The following GABBR1 variants were observed in gnomAD, a reference collection of about 807,000 sequenced individuals.
The protein encoded by GABBR1 is GABA-B receptor, R1 subunit.
Under a neutral mutation model 117.7 loss-of-function variants are expected in GABBR1, and 35 were observed. The ratio of observed to expected loss-of-function variants is 0.30; its 90% CI spans 0.23 to 0.39. The LOEUF is 0.39. Ranked by LOEUF, GABBR1 falls within the 10% of genes least tolerant of loss-of-function variation. The probability of loss-of-function intolerance (pLI) is 1.00; values close to 1 mark genes in which losing one functional copy is unlikely to be tolerated. For missense variants in GABBR1, 709 were observed against 1,241.8 expected (o/e 0.57, Z 6.45); for synonymous variants, 442 against 486.6 (o/e 0.91, Z 1.21).
At position 29,604,401 on chromosome 6, in the gene GABBR1, C is replaced by A. The variant is rs996224630; in HGVS notation, c.2712+93G>T. ...CCCTCCATGAGCCAAGAACATCTGA[C>A]CCTGTATCTCAGGCTTGGCTTCAGA... On this transcript the variant is annotated intron_variant, in intron 22 of 22. Transcript: ENST00000377034. This position sits in a 1 kb window ranked among gnomAD's most constrained non-coding sequence, Gnocchi z 5.3. 10 of 1,503,292 alleles carry A rather than the reference C, an allele frequency of 6.7e-6. No individual in the cohort carries two copies. The highest frequency in any genetic ancestry group is 9.2e-6 in the Non-Finnish European group (10 of 1,084,678). 93.1% of individuals were successfully genotyped at this position (1,503,292 alleles called of 1,614,324 possible).
In GABBR1 at chr6:29,606,135, C is replaced by A. The variant is rs779074304; in HGVS notation, c.2311+256G>T. 6 of 561,014 alleles carry A rather than the reference C, an allele frequency of 1.1e-5. No homozygotes were observed. The highest frequency in any genetic ancestry group is 3.1e-5 in the Admixed American group (1 of 32,506). The allele number at this position is 561,014 out of a possible 1,614,324, so 34.8% of individuals were successfully genotyped here. On this transcript the variant is annotated intron_variant, in intron 19 of 22. Transcript: ENST00000377034. This position sits in a 1 kb window ranked among gnomAD's most constrained non-coding sequence, Gnocchi z 4.5. The stretch of plus-strand genomic sequence containing the variant: ...TCAAGTCTGGAGGTGGGGTTACCCC[C>A]ACTTGTTCCTCTGCTGAACACAAGT...
chr6:29,620,633 AAAGCAACAGGATCC>A lies in GABBR1; in HGVS notation c.1323+454_1323+467del, dbSNP rs1449298486. The stretch of plus-strand genomic sequence containing the variant: ...AATTCTAAAAAAAGAATCATTAAAA[AAAGCAACAGGATCC>A]AAGCTAATTGCATATCAATCATGAG... On this transcript the variant is annotated intron_variant, in intron 11 of 22. Coordinates refer to ENST00000377034, the MANE Select transcript of GABBR1 (RefSeq NM_001470.4). This position sits in a 1 kb window ranked among gnomAD's most constrained non-coding sequence, Gnocchi z 4.5. 1.3e-5 allele frequency among the ~76,000 whole-genome samples: 2 copies of A among 152,248 alleles called. No individual in the cohort carries two copies. Among genetic ancestry groups the A allele is most frequent in the East Asian group, 3.8e-4 (2 of 5,202 alleles).
At chr6:29,608,376 A>C (rs745443638) in intron 16 of GABBR1, 3 of 487,090 alleles carry the variant, frequency 6.2e-6, no homozygotes, top group Admixed American at 7.3e-5. Context: ...TGCCATGGCA[A>C]CCTTGGAACT....
intron 16 of GABBR1, 90 bp downstream of exon 16, chr6:29,608,511 G>A: frequency 7.4e-7 from 1 of 1,351,582 alleles, no homozygotes; most frequent in Non-Finnish European, 1.0e-6. Flanking sequence ...AGCTGAGGAG[G>A]AAGGGCAGAG....
At chr6:29,619,429 T>C (rs1310513943) in intron 11 of GABBR1, among the ~76,000 whole-genome samples, 3 of 152,226 alleles carry the variant, frequency 2.0e-5, no homozygotes. Context: ...ACCATCTTTC[T>C]CTAGACACAA....
In GABBR1 at chr6:29,609,468, G is replaced by A. The variant is rs1309419728; in HGVS notation, c.1709-89C>T. ...AGACGGGATAGGAGAAAAGGGCAAA[G>A]AACTAGATTGCTGATGGACATTCAG... On this transcript the variant is annotated intron_variant, in intron 14 of 22. Coordinates refer to ENST00000377034, the MANE Select transcript of GABBR1 (RefSeq NM_001470.4). The surrounding 1 kb of genome is among the most constrained non-coding windows in gnomAD (Gnocchi z 4.3). 2 of 1,113,804 alleles carry A rather than the reference G, an allele frequency of 1.8e-6. No individual in the cohort carries two copies. The highest frequency in any genetic ancestry group is 1.5e-5 in the African/African-American group (1 of 65,038). 69.0% of individuals were successfully genotyped at this position (1,113,804 alleles called of 1,614,324 possible).
Position 29,613,128 on chromosome 6 carries a change from A to C in GABBR1, c.1566+115T>G. 8.7e-7 allele frequency: 1 copy of C among 1,151,802 alleles called. No homozygotes were observed. The highest frequency in any genetic ancestry group is 1.3e-6 in the Non-Finnish European group (1 of 794,350). The allele number at this position is 1,151,802 out of a possible 1,614,324, so 71.3% of individuals were successfully genotyped here. A position where few individuals can be genotyped will look rare whatever the true frequency, so the allele number is the denominator to read the frequency against. ...TCCCTACTTCTCTGGTCGGAGACTG[A>C]TTCTGCAAAGAAGTAACTGAGAAAA... is the stretch of plus-strand genomic sequence containing the variant. On this transcript the variant is annotated intron_variant, in intron 12 of 22. Coordinates refer to ENST00000377034, the MANE Select transcript of GABBR1 (RefSeq NM_001470.4). The surrounding 1 kb of genome is among the most constrained non-coding windows in gnomAD (Gnocchi z 4.1).
rs570685369 is a variant in GABBR1, at chr6:29,613,525, T to C, written c.1324-40A>G. The C allele has an allele frequency of 1.3e-6, 2 of 1,598,244 alleles. No homozygotes were observed. Among genetic ancestry groups the C allele is most frequent in the African/African-American group, 1.3e-5 (1 of 74,706 alleles). On this transcript the variant is annotated intron_variant, in intron 11 of 22. Coordinates refer to ENST00000377034, the MANE Select transcript of GABBR1 (RefSeq NM_001470.4). This position sits in a 1 kb window ranked among gnomAD's most constrained non-coding sequence, Gnocchi z 4.1. ...ATCATGAGGAAAGAACTGAAATGTG[T>C]GTGGGTGTGGGGGAAGGGGTGCAAT...
At position 29,627,969 on chromosome 6, in the gene GABBR1, C is replaced by T; in HGVS notation, c.497-323G>A. On this transcript the variant is annotated intron_variant, in intron 5 of 22. Transcript: ENST00000377034. The surrounding 1 kb of genome is among the most constrained non-coding windows in gnomAD (Gnocchi z 4.4). ...TTGGCTTCCTACGGCCCCCGCGGCT[C>T]TCGCCACCGTCGCCGCCACCGCGGA... 7.5e-7 allele frequency: 1 copy of T among 1,337,336 alleles called. No homozygotes were observed. The highest frequency in any genetic ancestry group is 9.5e-7 in the Non-Finnish European group (1 of 1,053,218). The allele number at this position is 1,337,336 out of a possible 1,614,324, so 82.8% of individuals were successfully genotyped here. A position where few individuals can be genotyped will look rare whatever the true frequency, so the allele number is the denominator to read the frequency against.
In GABBR1 at chr6:29,630,077, G is replaced by A. The variant is rs1764796717; in HGVS notation, c.475+381C>T. On this transcript the variant is annotated intron_variant, in intron 4 of 22. Transcript: ENST00000377034. This position sits in a 1 kb window ranked among gnomAD's most constrained non-coding sequence, Gnocchi z 4.9. ...ATAAATCAATTATATAAGGAATGGTGAGGGATGAATTCTAGAAGAGGGTGA... is the reference window on the plus strand; with the variant it reads ...ATAAATCAATTATATAAGGAATGGTAAGGGATGAATTCTAGAAGAGGGTGA... 4.9e-6 allele frequency: 1 copy of A among 204,874 alleles called. No individual in the cohort carries two copies. Among genetic ancestry groups the A allele is most frequent in the African/African-American group, 2.3e-5 (1 of 43,528 alleles). 12.7% of individuals were successfully genotyped at this position (204,874 alleles called of 1,614,324 possible).
In GABBR1 at chr6:29,605,726, A is replaced by G; in HGVS notation, c.2312-30T>C. 6.2e-7 allele frequency: 1 copy of G among 1,606,636 alleles called. No individual in the cohort carries two copies. Among genetic ancestry groups the G allele is most frequent in the Non-Finnish European group, 8.5e-7 (1 of 1,179,144 alleles). On this transcript the variant is annotated intron_variant, in intron 19 of 22. Coordinates refer to ENST00000377034, the MANE Select transcript of GABBR1 (RefSeq NM_001470.4). The surrounding 1 kb of genome is among the most constrained non-coding windows in gnomAD (Gnocchi z 4.2). ...GATGGCAGGAGAGAGTCACTTGAGC[A>G]ACAAGGACCACAATGCTCCTCACTC...
Position 29,629,069 on chromosome 6 carries a change from A to G in GABBR1, c.496+18T>C, listed in dbSNP as rs747938881. The G allele has an allele frequency of 2.9e-5, 47 of 1,612,612 alleles. No homozygotes were observed. The highest frequency in any genetic ancestry group is 3.9e-5 in the Non-Finnish European group (46 of 1,179,876). ...GGGAGGGCATTGCAGTGCGCGCGGT[A>G]AGGGTTTCTCATCTCACCTGAGTGT... On this transcript the variant is annotated intron_variant, in intron 5 of 22. Transcript: ENST00000377034.
At position 29,630,564 on chromosome 6, in the gene GABBR1, G is replaced by A. The variant is rs567013137; in HGVS notation, c.369C>T (p.Asp123=). 7.4e-6 allele frequency: 12 copies of A among 1,613,082 alleles called. No homozygotes were observed. The highest frequency in any genetic ancestry group is 4.4e-5 in the South Asian group (4 of 91,082). ...CACACCGGAAATCCACCCGGGCTCC[G>A]TCCAGAGCTGGGAGGTCCCCACCCG... ...FLTGGDLPAL[D]GARVDFRCDP... Residue 123 remains aspartate (D), a synonymous_variant, in exon 4 of 23, where the codon GAC becomes GAT. Transcript: ENST00000377034. This position sits in a 1 kb window ranked among gnomAD's most constrained non-coding sequence, Gnocchi z 4.9.
At position 29,627,827 on chromosome 6, in the gene GABBR1, A is replaced by T; in HGVS notation, c.497-181T>A. On this transcript the variant is annotated intron_variant, in intron 5 of 22. Coordinates refer to ENST00000377034, the MANE Select transcript of GABBR1 (RefSeq NM_001470.4). This position sits in a 1 kb window ranked among gnomAD's most constrained non-coding sequence, Gnocchi z 4.4. Reference sequence around the variant, plus strand: ...GCAGGGGTAGCTGTTGGGGAGCGTTAGGAGCTCAGGGGGGACACTTTTCCT... The same window carrying T: ...GCAGGGGTAGCTGTTGGGGAGCGTTTGGAGCTCAGGGGGGACACTTTTCCT... The T allele has an allele frequency of 7.1e-7, 1 of 1,415,392 alleles. No individual in the cohort carries two copies. Among genetic ancestry groups the T allele is most frequent in the Non-Finnish European group, 9.2e-7 (1 of 1,086,180 alleles). The allele number at this position is 1,415,392 out of a possible 1,614,324, so 87.7% of individuals were successfully genotyped here.
Position 29,621,378 on chromosome 6 carries a change from G to A in GABBR1, c.1132-86C>T, listed in dbSNP as rs1763734506. The A allele has an allele frequency of 2.8e-6, 3 of 1,054,298 alleles. No individual in the cohort carries two copies. The highest frequency in any genetic ancestry group is 4.2e-6 in the Non-Finnish European group (3 of 715,770). 65.3% of individuals were successfully genotyped at this position (1,054,298 alleles called of 1,614,324 possible). A position where few individuals can be genotyped will look rare whatever the true frequency, so the allele number is the denominator to read the frequency against. ...TCACTTGATACTATTTAGCCTCTTG[G>A]GAATCAGGGAAGAGCAGTAGAACTA... is the stretch of plus-strand genomic sequence containing the variant. On this transcript the variant is annotated intron_variant, in intron 10 of 22. Coordinates refer to ENST00000377034, the MANE Select transcript of GABBR1 (RefSeq NM_001470.4). The surrounding 1 kb of genome is among the most constrained non-coding windows in gnomAD (Gnocchi z 5.0).
Position 29,607,754 on chromosome 6 carries a change from C to A in GABBR1, c.1993-536G>T, listed in dbSNP as rs1242341562. Among the ~76,000 whole-genome samples, 1 of 152,236 alleles carries A rather than the reference C, an allele frequency of 6.6e-6. No individual in the cohort carries two copies. Among genetic ancestry groups the A allele is most frequent in the African/African-American group, 2.4e-5 (1 of 41,462 alleles). On this transcript the variant is annotated intron_variant, in intron 16 of 22. Coordinates refer to ENST00000377034, the MANE Select transcript of GABBR1 (RefSeq NM_001470.4). This position sits in a 1 kb window ranked among gnomAD's most constrained non-coding sequence, Gnocchi z 5.0. The stretch of plus-strand genomic sequence containing the variant: ...AAAATCCTATTTGTCCTTCAGTATT[C>A]AAATGCCACCTCTTCAGTGAGGTCC...
chr6:29,614,864 G>C (rs955690464), intron 11 of GABBR1, among the ~76,000 whole-genome samples: 8 of 150,426 alleles, frequency 5.3e-5, no homozygotes, highest in Admixed American at 4.0e-4. Context: ...TTCATCAGTT[G>C]TAACAAATGT....
chr6:29,617,580 G>A (rs968494923), intron 11 of GABBR1, among the ~76,000 whole-genome samples: 1 of 152,102 alleles, frequency 6.6e-6, no homozygotes, highest in Non-Finnish European at 1.5e-5. Flanking sequence ...GATTATAGGC[G>A]TGAGCCACCG....
At chr6:29,603,778 A>T in intron 22 of GABBR1, 62 bp from the exon 23 acceptor site, 1 of 1,273,082 alleles carries the variant, frequency 7.9e-7, no homozygotes, top group Non-Finnish European at 1.0e-6. Context: ...AGTGGGGAGG[A>T]GGGAAAGAGA....
Sources: allele counts gnomAD v4.1 joint callset (sites outside exome capture counted in the v4.1 genomes callset), GRCh38; gene constraint gnomAD v4.1.1; non-coding constraint Gnocchi (gnomAD v3.1); transcripts MANE v1.5; gene names NCBI Gene and HGNC (gene_info 2026-07-23, HGNC 2026-07-21).